Variants in THSD7B observed in about 807,000 individuals in gnomAD.
The protein encoded by THSD7B is thrombospondin type-1 domain-containing protein 7B.
Under a neutral mutation model 213.6 loss-of-function variants are expected in THSD7B, and 138 were observed. The ratio of observed to expected loss-of-function variants is 0.65; its 90% CI spans 0.56 to 0.74. THSD7B has a LOEUF of 0.74. THSD7B is among the 30% of genes least tolerant of loss of function. THSD7B has a pLI of 0.00. For synonymous variants in THSD7B, 742 were observed against 687.0 expected (o/e 1.08, Z -1.25); for missense variants, 1,931 against 1,991.5 (o/e 0.97, Z 0.58).
intron 2 of THSD7B, among the ~76,000 whole-genome samples, chr2:136,992,547 A>G (rs561254594): frequency 2.6e-5 from 4 of 152,336 alleles, no homozygotes; most frequent in African/African-American, 9.6e-5. Context: ...CAATAAACGG[A>G]GAACTATTAA....
chr2:137,384,203 C>T (rs1250572088), intron 12 of THSD7B, among the ~76,000 whole-genome samples: 1 of 152,126 alleles, frequency 6.6e-6, no homozygotes, highest in Non-Finnish European at 1.5e-5. Context: ...GTCTCAGGAG[C>T]TTATTAGGAG....
chr2:137,674,145 G>A lies in THSD7B; in HGVS notation c.4740-2379G>A, dbSNP rs557891327. Among the ~76,000 whole-genome samples, 25 of 152,232 alleles carry A rather than the reference G, an allele frequency of 1.6e-4. No homozygotes were observed. In the South Asian group the frequency reaches 2.1e-3, roughly 13 times the overall value. On this transcript the variant is annotated intron_variant, in intron 27 of 27. Coordinates refer to ENST00000409968, the MANE Select transcript of THSD7B (RefSeq NM_001316349.2). ...TATAGAGATATGACCACCTCTAGCC[G>A]TTCTCCTGGCTTTGCATTCTCAACT...
At chr2:137,271,236 G>T (rs1213856049) in intron 10 of THSD7B, among the ~76,000 whole-genome samples, 1 of 150,718 alleles carries the variant, frequency 6.6e-6, no homozygotes, top group Non-Finnish European at 1.5e-5. Flanking sequence ...CCTTTCCCAT[G>T]TGCTCACACC....
chr2:137,408,355 C>T (rs35010885), intron 13 of THSD7B, among the ~76,000 whole-genome samples: 12,595 of 150,036 alleles, frequency 0.084, 1,085 homozygotes, highest in African/African-American at 0.22. Flanking sequence ...TTCTTTTTTT[C>T]ACAACTTCCT....
chr2:137,584,311 CTAATTGAATACCAGTTATTTCT>C (rs1168009410), intron 17 of THSD7B, among the ~76,000 whole-genome samples: 1 of 152,158 alleles, frequency 6.6e-6, no homozygotes, highest in Non-Finnish European at 1.5e-5. Flanking sequence ...TCCTCTTTTC[CTAATTGAATACCAGTTATTTCT>C]TTCTCCTGCC....
intron 15 of THSD7B, among the ~76,000 whole-genome samples, chr2:137,455,280 C>G (rs1687741781): frequency 6.6e-6 from 1 of 152,164 alleles, no homozygotes; most frequent in African/African-American, 2.4e-5. Context: ...TATTAGAACT[C>G]TGGTCTCTTA....
intron 2 of THSD7B, among the ~76,000 whole-genome samples, chr2:137,046,450 C>T (rs1025454598): frequency 7.2e-5 from 11 of 152,026 alleles, no homozygotes; most frequent in African/African-American, 2.7e-4. Flanking sequence ...AGAGACCCAG[C>T]GGGGTGTGGT....
intron 7 of THSD7B, among the ~76,000 whole-genome samples, chr2:137,216,654 A>G (rs1002958): frequency 0.18 from 27,535 of 152,152 alleles, 3,162 homozygotes; most frequent in South Asian, 0.4. Context: ...AAGATCCGTA[A>G]GTCAGCTCAG....
chr2:136,765,941 G>T (rs1269053847), intron 1 of THSD7B, among the ~76,000 whole-genome samples: 1 of 152,250 alleles, frequency 6.6e-6, no homozygotes, highest in East Asian at 1.9e-4. Context: ...AGACCCTCTA[G>T]GCGGGCGGGG....
intron 1 of THSD7B, among the ~76,000 whole-genome samples, chr2:136,876,086 A>G (rs912781707): frequency 6.6e-6 from 1 of 152,072 alleles, no homozygotes; most frequent in Non-Finnish European, 1.5e-5. Context: ...CATCTTGTAT[A>G]CCCTGGTGAT....
intron 2 of THSD7B, among the ~76,000 whole-genome samples, chr2:136,988,215 C>A (rs1685702109): frequency 6.6e-6 from 1 of 152,106 alleles, no homozygotes; most frequent in Non-Finnish European, 1.5e-5. Context: ...TTCCCAAAGG[C>A]TCTATTTTAA....
chr2:136,965,351 G>C (rs931007572), intron 2 of THSD7B, among the ~76,000 whole-genome samples: 1 of 152,148 alleles, frequency 6.6e-6, no homozygotes, highest in African/African-American at 2.4e-5. Context: ...AAGAGTGCTG[G>C]GGTGAAAAAT....
At chr2:137,620,979 G>A (rs1682509145) in intron 20 of THSD7B, among the ~76,000 whole-genome samples, 1 of 152,272 alleles carries the variant, frequency 6.6e-6, no homozygotes, top group Admixed American at 6.5e-5. Context: ...TTATTCAGAA[G>A]ATCATAAGCT....
chr2:137,471,261 C>T (rs560888226), intron 15 of THSD7B, among the ~76,000 whole-genome samples: 3 of 152,234 alleles, frequency 2.0e-5, no homozygotes, highest in African/African-American at 7.2e-5. Flanking sequence ...AAGCCAGGCT[C>T]ATCCCTTAAT....
At chr2:136,948,115 G>GT (rs58191405) in intron 2 of THSD7B, among the ~76,000 whole-genome samples, 11,251 of 151,622 alleles carry the variant, frequency 0.074, 669 homozygotes, top group African/African-American at 0.16. Context: ...TTGTATGTAT[G>GT]TTTTTTTTTA....
chr2:137,586,845 T>C lies in THSD7B; in HGVS notation c.3423+14289T>C, dbSNP rs186037464. Among the ~76,000 whole-genome samples, 590 of 152,298 alleles carry C rather than the reference T, an allele frequency of 3.9e-3. 4 individuals are homozygous for C. The highest frequency in any genetic ancestry group is 0.014 in the African/African-American group (567 of 41,558). The stretch of plus-strand genomic sequence containing the variant: ...TTGCTCTCCTTGAGGAATATCTTTG[T>C]GGCGTTCTCTGTATTTCCTGAATTT... On this transcript the variant is annotated intron_variant, in intron 17 of 27. Coordinates refer to ENST00000409968, the MANE Select transcript of THSD7B (RefSeq NM_001316349.2).
At chr2:137,246,170 G>A (rs1682030328) in intron 10 of THSD7B, among the ~76,000 whole-genome samples, 1 of 152,168 alleles carries the variant, frequency 6.6e-6, no homozygotes, top group Non-Finnish European at 1.5e-5. Flanking sequence ...GATCCAGGAG[G>A]AGGATGGACC....
intron 12 of THSD7B, among the ~76,000 whole-genome samples, chr2:137,283,602 G>A (rs1268461333): frequency 1.3e-5 from 2 of 152,148 alleles, no homozygotes; most frequent in African/African-American, 2.4e-5. Flanking sequence ...AGAGTTTTTA[G>A]CATGAAGCGT....
chr2:136,880,198 T>C (rs1290739140), intron 1 of THSD7B, among the ~76,000 whole-genome samples: 1 of 152,176 alleles, frequency 6.6e-6, no homozygotes, highest in Non-Finnish European at 1.5e-5. Flanking sequence ...TATTCCAACA[T>C]TGACCACATA....
Sources: allele counts gnomAD v4.1 joint callset (sites outside exome capture counted in the v4.1 genomes callset), GRCh38; gene constraint gnomAD v4.1.1; transcripts MANE v1.5; gene names NCBI Gene and HGNC (gene_info 2026-07-23, HGNC 2026-07-21).